The following ACOT11 variants were observed in gnomAD, a reference collection of about 807,000 sequenced individuals.
ACOT11 encodes the protein acyl-CoA thioesterase 11.
Under a neutral mutation model 77.5 loss-of-function variants are expected in ACOT11, and 69 were observed. That is an observed-to-expected ratio of 0.89 (90% CI 0.73 to 1.09). The LOEUF is 1.09. ACOT11 is among the 50% of genes least tolerant of loss of function. ACOT11 has a pLI of 0.00. For missense variants in ACOT11, 766 were observed against 813.7 expected, an observed-to-expected ratio of 0.94 and a Z score of 0.71; for synonymous variants, 279 against 313.0, an observed-to-expected ratio of 0.89 and a Z score of 1.15.
rs1644284194 is a variant in ACOT11, at chr1:54,628,606, A to AC, written c.1630-2128_1630-2127insC. Among the ~76,000 whole-genome samples the AC allele has an allele frequency of 5.9e-5, 3 of 51,034 alleles. 1 individual carries two copies. The highest frequency in any genetic ancestry group is 1.3e-4 in the African/African-American group (2 of 15,756). 33.5% of individuals were successfully genotyped at this position (51,034 alleles called of 152,430 possible). ...CAAGACCCCATCGCCCCCCCCCCCCAAAAAAGGAAAAAAGAAACCCATTTG... is the reference window on the plus strand; with the variant it reads ...CAAGACCCCATCGCCCCCCCCCCCCACAAAAAGGAAAAAAGAAACCCATTTG... On this transcript the variant is annotated intron_variant, in intron 15 of 16. Coordinates refer to the ACOT11 transcript ENST00000371316.
chr1:54,589,877 A>T (rs1163192495), intron 3 of ACOT11, among the ~76,000 whole-genome samples: 3 of 152,284 alleles, frequency 2.0e-5, no homozygotes, highest in Non-Finnish European at 2.9e-5. Flanking sequence ...TCATGAGATC[A>T]TAAGATCCAG....
exon 16 of ACOT11, chr1:54,630,882 C>G (rs761730837): frequency 1.4e-5 from 10 of 738,268 alleles, no homozygotes; most frequent in Non-Finnish European, 2.3e-5. Flanking sequence ...AAAGCAATCC[C>G]CGTGGTGAGT....
chr1:54,561,357 G>A (rs1281539746), intron 1 of ACOT11, among the ~76,000 whole-genome samples: 2 of 96,538 alleles, frequency 2.1e-5, no homozygotes, highest in African/African-American at 9.4e-5. Context: ...ATCTTGCACC[G>A]CCCTTAATCC....
Position 54,609,296 on chromosome 1 carries a change from TC to T in ACOT11, c.*186del, listed in dbSNP as rs1644080674. 6.2e-7 allele frequency: 1 copy of T among 1,609,122 alleles called. No homozygotes were observed. On this transcript the variant is annotated 3_prime_UTR_variant, in exon 16 of 16. Coordinates refer to ENST00000343744, the MANE Select transcript of ACOT11 (RefSeq NM_147161.4). ...GTTTCTACCAACATGAGCCAGCAAG[TC>T]CTTGTGGTAGCCCTGGGGTAGCCTG...
intron 3 of ACOT11, among the ~76,000 whole-genome samples, chr1:54,589,868 C>T (rs1190676990): frequency 6.6e-6 from 1 of 152,084 alleles, no homozygotes; most frequent in Non-Finnish European, 1.5e-5. Flanking sequence ...GTGGACAGAT[C>T]ATGAGATCAT....
chr1:54,594,812 C>G, intron 6 of ACOT11, 121 bp downstream of exon 6: 1 of 1,378,330 alleles, frequency 7.3e-7, no homozygotes, highest in South Asian at 1.5e-5. Context: ...CCACTGGTGG[C>G]CCTGGGCCTC....
downstream of ACOT11, chr1:54,614,938 G>A (rs1259384844): frequency 1.6e-6 from 2 of 1,280,644 alleles, no homozygotes; most frequent in African/African-American, 1.7e-5. Context: ...AAAGCAGAGC[G>A]GGTGTGTGTG....
intron 15 of ACOT11, among the ~76,000 whole-genome samples, chr1:54,617,859 G>T (rs918440452): frequency 6.6e-6 from 1 of 151,640 alleles, no homozygotes; most frequent in Non-Finnish European, 1.5e-5. Flanking sequence ...GAGTAGCTGG[G>T]ACTACAGGTA....
rs759632913 is a variant in ACOT11, at chr1:54,594,568, C to G, written c.484C>G (p.Gln162Glu). The G allele has an allele frequency of 1.9e-6, 3 of 1,613,292 alleles. No individual in the cohort carries two copies. In the African/African-American group the frequency reaches 4.0e-5, roughly 22 times the overall value. Residue 162 changes from glutamine (Q) to glutamate (E), a missense_variant, in exon 6 of 16, where the codon CAG (glutamine) becomes GAG (glutamate). Gln to Glu is a conservative substitution (Grantham distance 29, BLOSUM62 2). Coordinates refer to ENST00000343744, the MANE Select transcript of ACOT11 (RefSeq NM_147161.4). Reference sequence around the variant, plus strand: ...CCCTGGCCGACAGGTGAAGCTGAAGCAGATCACGCCGCGGACAGAAGAGGA... The same window carrying G: ...CCCTGGCCGACAGGTGAAGCTGAAGGAGATCACGCCGCGGACAGAAGAGGA... ...RREITKVKLK[Q>E]ITPRTEEEKM...
downstream of ACOT11, chr1:54,611,664 G>A: frequency 6.2e-7 from 1 of 1,614,082 alleles, no homozygotes; most frequent in Non-Finnish European, 8.5e-7. Context: ...AGACTTGGTG[G>A]ACAGCAGTGT....
rs1174548746 is a variant in ACOT11 at position 54,554,325 on chromosome 1, GTGTGTGTGTA to G, written c.33+5985_33+5994del. 4.0e-4 allele frequency among the ~76,000 whole-genome samples: 32 copies of G among 80,572 alleles called. 1 individual carries two copies. Among genetic ancestry groups the G allele is most frequent in the African/African-American group, 8.5e-4 (20 of 23,578 alleles). 52.9% of individuals were successfully genotyped at this position (80,572 alleles called of 152,430 possible). On this transcript the variant is annotated intron_variant, in intron 1 of 15. Transcript: ENST00000343744. ...TGTGTGTGTGTGTGTGTGTGTGTGT[GTGTGTGTGTA>G]TATATATATATATATATTTTTTTTT...
Position 54,607,415 on chromosome 1 carries a change from G to T in ACOT11, c.1502+150G>T. 1 of 1,112,272 alleles carries T rather than the reference G, an allele frequency of 9.0e-7. No individual in the cohort carries two copies. Among genetic ancestry groups the T allele is most frequent in the Non-Finnish European group, 1.3e-6 (1 of 779,446 alleles). The allele number at this position is 1,112,272 out of a possible 1,614,324, so 68.9% of individuals were successfully genotyped here. ...CCCAGGCACCACTAGACTTTTCTGG[G>T]CTGCTGTGGCTTTACTATGGGTAAA... On this transcript the variant is annotated intron_variant, in intron 14 of 15. Coordinates refer to ENST00000343744, the MANE Select transcript of ACOT11 (RefSeq NM_147161.4). This position sits in a 1 kb window ranked among gnomAD's most constrained non-coding sequence, Gnocchi z 4.5.
At chr1:54,614,592 T>A, downstream of ACOT11, 3 of 1,139,866 alleles carry the variant, frequency 2.6e-6, no homozygotes, top group Non-Finnish European at 3.7e-6. Context: ...TGAGGCTATA[T>A]ATAGTATGAT....
rs376188034 is a variant in ACOT11, at chr1:54,604,398, A to G, written c.1205A>G (p.Asp402Gly). Residue 402 changes from aspartate to glycine, a missense_variant, in exon 12 of 16, where the codon GAC becomes GGC. By Grantham distance (94) the Asp-to-Gly change is moderately conservative. Transcript: ENST00000343744. ...VSSLKMLVAKDNWVLSSEISQ... is the reference protein window; with the variant it reads ...VSSLKMLVAKGNWVLSSEISQ... ...TCCTTGAAGATGCTTGTGGCCAAGG[A>G]CAACTGGGTGCTGTCCTCGGAGATC... 2 of 1,614,078 alleles carry G rather than the reference A, an allele frequency of 1.2e-6. No individual in the cohort carries two copies. The highest frequency in any genetic ancestry group is 2.7e-5 in the African/African-American group (2 of 75,020).
chr1:54,590,093 A>C (rs1161092183), intron 3 of ACOT11, among the ~76,000 whole-genome samples: 6 of 151,896 alleles, frequency 4.0e-5, no homozygotes, highest in Non-Finnish European at 8.8e-5. Flanking sequence ...GTCTCAAAAA[A>C]AAAAAAACAA....
chr1:54,558,565 T>G (rs1653351559), intron 1 of ACOT11, among the ~76,000 whole-genome samples: 1 of 152,134 alleles, frequency 6.6e-6, no homozygotes, highest in Non-Finnish European at 1.5e-5. Context: ...AGCTAGCAGC[T>G]GAGAAGGCAG....
In ACOT11 at chr1:54,609,886, G is replaced by A. The variant is rs1644095206; in HGVS notation, c.*774G>A. ...TTGGAGTATGAACAATGGGCACGGG[G>A]TTTTCAGCCACAGTTCCCTCGAGGC... is the stretch of plus-strand genomic sequence containing the variant. On this transcript the variant is annotated 3_prime_UTR_variant, in exon 16 of 16. Transcript: ENST00000343744. The A allele has an allele frequency of 1.2e-6, 2 of 1,612,888 alleles. No individual in the cohort carries two copies. The highest frequency in any genetic ancestry group is 1.7e-5 in the Admixed American group (1 of 60,012).
chr1:54,611,639 C>G, downstream of ACOT11: 1 of 1,614,030 alleles, frequency 6.2e-7, no homozygotes, highest in Non-Finnish European at 8.5e-7. Flanking sequence ...AGGAGAGGCT[C>G]AAAGATGTCA....
rs749009214 is a variant in ACOT11, at chr1:54,607,091, G to A, written c.1371-43G>A. 6.2e-6 allele frequency: 10 copies of A among 1,611,824 alleles called. 1 individual carries two copies. In the South Asian group the frequency reaches 1.1e-4, roughly 18 times the overall value. ...GGGCAGACCCGCTGCTTGCATGGGA[G>A]CTGGAAGCTTCCTGGGGCACTGAGA... On this transcript the variant is annotated intron_variant, in intron 13 of 15. Transcript: ENST00000343744. This position sits in a 1 kb window ranked among gnomAD's most constrained non-coding sequence, Gnocchi z 4.5.
Sources: gnomAD v4.1 joint callset for allele counts (sites outside exome capture counted in the v4.1 genomes callset) on GRCh38, gnomAD v4.1.1 for gene constraint, Gnocchi (gnomAD v3.1) non-coding constraint, MANE v1.5 for transcripts, NCBI Gene and HGNC (gene_info 2026-07-23, HGNC 2026-07-21) for gene names.